Variants in SCP2 observed in about 807,000 individuals in gnomAD.
The protein encoded by SCP2 is sterol carrier protein 2, also known as SCP-2/3-oxoacyl-CoA thiolase.
Under a neutral mutation model 71.4 loss-of-function variants are expected in SCP2, and 48 were observed. That is an observed-to-expected ratio of 0.67 (90% CI 0.53 to 0.86). The LOEUF is 0.86. Ranked by LOEUF, SCP2 falls within the 40% of genes least tolerant of loss-of-function variation. The pLI is 0.00. For missense variants in SCP2, 560 were observed against 655.6 expected, an observed-to-expected ratio of 0.85 and a Z score of 1.59; for synonymous variants, 220 against 218.1, an observed-to-expected ratio of 1.01 and a Z score of -0.08.
At chr1:52,930,626 CA>C (rs150442686) in intron 1 of SCP2, among the ~76,000 whole-genome samples, 6 of 150,230 alleles carry the variant, frequency 4.0e-5, no homozygotes, top group South Asian at 2.1e-4. Flanking sequence ...GACTCTGTCT[CA>C]AAAAAAAAGT....
At chr1:52,983,249 T>TTTTTAGCTAGAG (rs1336220807) in intron 10 of SCP2, among the ~76,000 whole-genome samples, 2 of 152,210 alleles carry the variant, frequency 1.3e-5, no homozygotes, top group Non-Finnish European at 2.9e-5. Flanking sequence ...TTTCTCTAGC[T>TTTTTAGCTAGAG]ATTCTCAAGA....
At chr1:52,948,233 A>T (rs1208810403) in intron 3 of SCP2, among the ~76,000 whole-genome samples, 153 bp downstream of exon 3, 1 of 152,242 alleles carries the variant, frequency 6.6e-6, no homozygotes, top group Non-Finnish European at 1.5e-5. Flanking sequence ...AAATCTCAGA[A>T]TTCAAAGTCT....
chr1:52,997,768 G>A (rs191790898), intron 11 of SCP2, among the ~76,000 whole-genome samples: 103 of 152,260 alleles, frequency 6.8e-4, no homozygotes, highest in Admixed American at 1.2e-3. Flanking sequence ...ACTTTAAATC[G>A]ATAATTGTTT....
At chr1:52,997,510 C>T (rs12077646) in intron 11 of SCP2, among the ~76,000 whole-genome samples, 48,144 of 152,006 alleles carry the variant, frequency 0.32, 12,735 homozygotes, top group African/African-American at 0.72. Context: ...AATGAGGTAC[C>T]GAAATATGCT....
chr1:52,982,748 T>C (rs190482515), intron 10 of SCP2, among the ~76,000 whole-genome samples: 1 of 152,268 alleles, frequency 6.6e-6, no homozygotes, highest in African/African-American at 2.4e-5. Context: ...GTCCCTTATG[T>C]TATAATTGTC....
rs929735337 is a variant in SCP2, at chr1:52,998,400, G to A, written c.1081+10264G>A. Among the ~76,000 whole-genome samples, 11 of 152,200 alleles carry A rather than the reference G, an allele frequency of 7.2e-5. No individual in the cohort carries two copies. The East Asian group carries it at 9.7e-4, about 13-fold the overall frequency. ...TGCTTGAAGCCAGGAATTTGAGACC[G>A]GCCTGGGCAGCAAAGCAAGACTTTG... On this transcript the variant is annotated intron_variant, in intron 11 of 15. Transcript: ENST00000371514.
intron 13 of SCP2, among the ~76,000 whole-genome samples, chr1:53,033,588 G>A (rs956193121): frequency 1.6e-5 from 2 of 122,532 alleles, no homozygotes; most frequent in African/African-American, 3.3e-5. Context: ...CTGGGAGACA[G>A]AGCAAAACTC....
chr1:52,973,510 C>T (rs1657684509), intron 6 of SCP2, among the ~76,000 whole-genome samples: 2 of 152,206 alleles, frequency 1.3e-5, no homozygotes, highest in South Asian at 4.1e-4. Context: ...TCAATTCAGT[C>T]ACGAAAAGAT....
intron 5 of SCP2, among the ~76,000 whole-genome samples, chr1:52,961,066 C>CT (rs774047289): frequency 0.11 from 10,007 of 92,092 alleles, 818 homozygotes; most frequent in East Asian, 0.36. Flanking sequence ...TCCTTTGGTT[C>CT]TTTTTTTTTT....
intron 11 of SCP2, among the ~76,000 whole-genome samples, chr1:53,004,512 C>G (rs1660504338): frequency 6.6e-6 from 1 of 152,168 alleles, no homozygotes; most frequent in South Asian, 2.1e-4. Flanking sequence ...TGACATGCCA[C>G]CATTGTGATC....
Position 53,038,990 on chromosome 1 carries a change from A to G in SCP2, c.1412A>G (p.Glu471Gly). Residue 471 changes from glutamate to glycine, a missense_variant, in exon 14 of 16, where the codon GAG (glutamate) becomes GGG (glycine). Glu to Gly is a moderately conservative substitution (Grantham distance 98). This residue lies in a region of SCP2 where 513 missense variants were observed against 573.1 expected (regional missense o/e 0.90). Transcript: ENST00000371514. ...GTGAAAGATGGCCCTGGGGGTAAAG[A>G]GGCCACCTGGGTGGTGGATGTGAAG... ...FKVKDGPGGK[E>G]ATWVVDVKNG... 1 of 1,614,126 alleles carries G rather than the reference A, an allele frequency of 6.2e-7. No individual in the cohort carries two copies. The highest frequency in any genetic ancestry group is 8.5e-7 in the Non-Finnish European group (1 of 1,179,948).
intron 11 of SCP2, chr1:52,993,604 T>C: frequency 1.2e-6 from 2 of 1,612,300 alleles, no homozygotes; most frequent in Non-Finnish European, 8.5e-7. Context: ...CTTGTCCTGC[T>C]GTATCCAAAA....
intron 12 of SCP2, among the ~76,000 whole-genome samples, chr1:53,024,567 C>CTTTCT (rs1557616890): frequency 7.1e-6 from 1 of 141,318 alleles, no homozygotes; most frequent in African/African-American, 2.7e-5. Context: ...TTCTTTCTTT[C>CTTTCT]TTTTTTTTTC....
chr1:52,995,201 T>C, intron 11 of SCP2: 1 of 499,310 alleles, frequency 2.0e-6, no homozygotes, highest in South Asian at 1.6e-5. Context: ...CCTGATTGCA[T>C]CATGAACACC....
At chr1:52,971,630 C>T (rs1264082708) in intron 6 of SCP2, among the ~76,000 whole-genome samples, 2 of 152,218 alleles carry the variant, frequency 1.3e-5, no homozygotes, top group African/African-American at 4.8e-5. Flanking sequence ...AAGTATGGAA[C>T]AGCCCTATAG....
At chr1:53,018,958 AT>A (rs1661531371) in intron 12 of SCP2, among the ~76,000 whole-genome samples, 1 of 151,930 alleles carries the variant, frequency 6.6e-6, no homozygotes, top group Non-Finnish European at 1.5e-5. Flanking sequence ...CTTTCTTTGT[AT>A]TTCTTGACCA....
chr1:53,045,813 A>G (rs986872532), intron 14 of SCP2, among the ~76,000 whole-genome samples: 1 of 152,178 alleles, frequency 6.6e-6, no homozygotes, highest in African/African-American at 2.4e-5. Context: ...CAAGATACAG[A>G]CAGTTTCCAT....
intron 13 of SCP2, among the ~76,000 whole-genome samples, chr1:53,033,358 T>A (rs1662684818): frequency 6.6e-6 from 1 of 152,178 alleles, no homozygotes; most frequent in African/African-American, 2.4e-5. Flanking sequence ...ATCCCAGCAC[T>A]TTGGAAGGCC....
rs201255169 is a variant in SCP2 at position 53,031,923 on chromosome 1, TG to T, written c.1338+3853del. Among the ~76,000 whole-genome samples, 354 of 152,262 alleles carry T rather than the reference TG, an allele frequency of 2.3e-3. 1 individual carries two copies. The highest frequency in any genetic ancestry group is 0.017 in the Middle Eastern group (5 of 294). On this transcript the variant is annotated intron_variant, in intron 13 of 15. Coordinates refer to ENST00000371514, the MANE Select transcript of SCP2 (RefSeq NM_002979.5). ...TTGCTGGTGTTTTCCTGCTGTAACT[TG>T]TTGGTGTCTGCACATAGCTGTATTC...
Sources: gnomAD v4.1 joint callset for allele counts (sites outside exome capture counted in the v4.1 genomes callset) on GRCh38, gnomAD v4.1.1 for gene constraint, gnomAD v4.1.1 regional missense constraint, MANE v1.5 for transcripts, NCBI Gene and HGNC (gene_info 2026-07-23, HGNC 2026-07-21) for gene names.